ZC3H11A: variants seen among roughly 807,000 people sequenced by gnomAD.
ZC3H11A encodes the protein zinc finger CCCH-type containing 11A.
ZC3H11A carries 22 observed loss-of-function variants against 90.8 expected under a neutral mutation model. The observed-to-expected ratio is 0.24, with a 90% CI of 0.17 to 0.35. The LOEUF (loss-of-function observed/expected upper bound fraction) is 0.35. ZC3H11A is among the 10% of genes least tolerant of loss of function. ZC3H11A has a pLI of 1.00. For synonymous variants in ZC3H11A, 294 were observed against 339.8 expected, an observed-to-expected ratio of 0.87 and a Z score of 1.48; for missense variants, 701 against 964.9, an observed-to-expected ratio of 0.73 and a Z score of 3.62.
intron 3 of ZC3H11A, among the ~76,000 whole-genome samples, chr1:203,818,126 G>A (rs777560596): frequency 1.6e-4 from 25 of 152,172 alleles, no homozygotes; most frequent in African/African-American, 4.1e-4. Flanking sequence ...CAACAGTAGC[G>A]TTTTATTTCA....
chr1:203,833,889 C>T, intron 10 of ZC3H11A, 36 bp downstream of exon 10: 1 of 1,578,266 alleles, frequency 6.3e-7, no homozygotes, highest in Non-Finnish European at 8.6e-7. Context: ...TTCTTTTCTA[C>T]TTGTTTGTGC....
intron 10 of ZC3H11A, chr1:203,835,468 A>T (rs919754869): frequency 1.4e-4 from 21 of 155,262 alleles, no homozygotes; most frequent in Non-Finnish European, 5.7e-5. Flanking sequence ...AATCTCTTCT[A>T]GCTGTAAATC....
intron 4 of ZC3H11A, among the ~76,000 whole-genome samples, chr1:203,823,362 T>C (rs1474883528): frequency 6.6e-6 from 1 of 152,204 alleles, no homozygotes; most frequent in Non-Finnish European, 1.5e-5. Context: ...CAGCAATGCA[T>C]GTGTGGTATT....
At chr1:203,826,911 C>T (rs1204774457) in intron 4 of ZC3H11A, among the ~76,000 whole-genome samples, 1 of 152,130 alleles carries the variant, frequency 6.6e-6, no homozygotes, top group Non-Finnish European at 1.5e-5. Flanking sequence ...TGATCAGCAC[C>T]TAGTTCAAGA....
chr1:203,838,642 TAAC>T (rs1383453560), intron 11 of ZC3H11A, among the ~76,000 whole-genome samples: 2 of 152,118 alleles, frequency 1.3e-5, no homozygotes, highest in East Asian at 3.8e-4. Flanking sequence ...TCTAAGATAG[TAAC>T]AACCCATTGA....
At chr1:203,835,203 A>G (rs1388175760) in intron 10 of ZC3H11A, among the ~76,000 whole-genome samples, 1 of 152,222 alleles carries the variant, frequency 6.6e-6, no homozygotes, top group Non-Finnish European at 1.5e-5. Context: ...AATGCCCATG[A>G]ATGAAATTAA....
intron 5 of ZC3H11A, 26 bp downstream of exon 5, chr1:203,828,448 G>T: frequency 6.3e-7 from 1 of 1,582,628 alleles, no homozygotes; most frequent in Non-Finnish European, 8.6e-7. Flanking sequence ...AATTTTAAAA[G>T]AATATCAAAT....
chr1:203,834,330 G>A (rs1683481314), intron 10 of ZC3H11A, among the ~76,000 whole-genome samples: 1 of 152,150 alleles, frequency 6.6e-6, no homozygotes, highest in Admixed American at 6.5e-5. Flanking sequence ...GGAGTGCAGT[G>A]GTGCAATCTC....
At chr1:203,827,486 C>T (rs1386528230) in intron 4 of ZC3H11A, among the ~76,000 whole-genome samples, 2 of 151,806 alleles carry the variant, frequency 1.3e-5, no homozygotes, top group African/African-American at 4.8e-5. Context: ...CAAGACCATC[C>T]TGGCTAACAT....
chr1:203,831,796 T>A (rs1406088765), intron 9 of ZC3H11A, 25 bp downstream of exon 9: 40 of 1,560,478 alleles, frequency 2.6e-5, no homozygotes, highest in Non-Finnish European at 3.2e-5. Flanking sequence ...GGTCTTAGAG[T>A]TGTCAAGCCT....
At chr1:203,808,670 A>G (rs113641776) in intron 2 of ZC3H11A, among the ~76,000 whole-genome samples, 4 of 152,184 alleles carry the variant, frequency 2.6e-5, no homozygotes, top group African/African-American at 9.6e-5. Context: ...TCGTGTCAGT[A>G]ATCTCTTGTA....
intron 4 of ZC3H11A, among the ~76,000 whole-genome samples, chr1:203,824,876 A>G (rs1209155943): frequency 6.6e-6 from 1 of 151,984 alleles, no homozygotes; most frequent in Non-Finnish European, 1.5e-5. Flanking sequence ...GGAGTTTGAG[A>G]CCAGCCTGGA....
At chr1:203,843,926 C>T (rs558246038) in intron 12 of ZC3H11A, among the ~76,000 whole-genome samples, 16 of 151,834 alleles carry the variant, frequency 1.1e-4, no homozygotes, top group Non-Finnish European at 1.9e-4. Flanking sequence ...GGTGCGATCT[C>T]GGCTCACTGC....
At chr1:203,799,428 C>T (rs1427136228) in intron 1 of ZC3H11A, 5 of 703,064 alleles carry the variant, frequency 7.1e-6, no homozygotes, top group Admixed American at 2.0e-5. Flanking sequence ...TCACCAACTT[C>T]CATGGAAGAA....
At chr1:203,806,026 C>T (rs1039443872) in intron 2 of ZC3H11A, 6 of 542,810 alleles carry the variant, frequency 1.1e-5, no homozygotes, top group African/African-American at 3.8e-5. Context: ...CTCTTGGGTG[C>T]GATTGTCCTG....
At chr1:203,811,905 T>C (rs1222835403) in intron 2 of ZC3H11A, among the ~76,000 whole-genome samples, 2 of 151,044 alleles carry the variant, frequency 1.3e-5, no homozygotes, top group Admixed American at 6.6e-5. Flanking sequence ...AACCTCCACC[T>C]CCTGTGTTCA....
chr1:203,808,059 A>C (rs1004673047), intron 2 of ZC3H11A, among the ~76,000 whole-genome samples: 4 of 151,356 alleles, frequency 2.6e-5, no homozygotes, highest in South Asian at 4.2e-4. Context: ...TTTTTTTTCT[A>C]CTTTTATTGA....
rs537300795 is a variant in ZC3H11A, at chr1:203,815,793, A to G, written c.-145-1133A>G. 4.6e-5 allele frequency among the ~76,000 whole-genome samples: 7 copies of G among 152,278 alleles called. No homozygotes were observed. The South Asian group carries it at 1.5e-3, about 32-fold the overall frequency. On this transcript the variant is annotated intron_variant, in intron 2 of 17. Coordinates refer to ENST00000367210, the MANE Select transcript of ZC3H11A (RefSeq NM_001376342.1). ...TGATTTAATTGATTTCAAGTTGTAG[A>G]TCACTATTTCTGAAACCTGATCTTC...
At chr1:203,838,706 T>G (rs2103187238) in intron 11 of ZC3H11A, among the ~76,000 whole-genome samples, 1 of 152,218 alleles carries the variant, frequency 6.6e-6, no homozygotes, top group East Asian at 1.9e-4. Flanking sequence ...ATCCCAGTAC[T>G]TTGGGAGGCC....
Sources: gnomAD v4.1 joint callset for allele counts (sites outside exome capture counted in the v4.1 genomes callset) on GRCh38, gnomAD v4.1.1 for gene constraint, MANE v1.5 for transcripts, NCBI Gene and HGNC (gene_info 2026-07-23, HGNC 2026-07-21) for gene names.